The following CACNA1I variants were observed in gnomAD, a reference collection of about 807,000 sequenced individuals.
The protein encoded by CACNA1I is calcium voltage-gated channel subunit alpha1 I.
In CACNA1I, 74 loss-of-function variants were observed where a neutral mutation model predicts 201.6. The observed-to-expected ratio is 0.37, with a 90% CI of 0.30 to 0.45. CACNA1I has a LOEUF of 0.45. CACNA1I is among the 20% of genes least tolerant of loss of function. CACNA1I has a pLI of 1.00. For synonymous variants in CACNA1I, 1,431 were observed against 1,345.2 expected (o/e 1.06, Z -1.40); for missense variants, 2,346 against 3,138.1 (o/e 0.75, Z 6.03).
intron 25 of CACNA1I, 40 bp from the exon 26 acceptor site, chr22:39,670,763 C>A: frequency 6.2e-7 from 1 of 1,609,924 alleles, no homozygotes; most frequent in Admixed American, 1.7e-5. Flanking sequence ...TTGACCCCAA[C>A]CCTCTGTGGT....
chr22:39,616,495 T>G (rs1013494464), intron 3 of CACNA1I, among the ~76,000 whole-genome samples: 1 of 152,002 alleles, frequency 6.6e-6, no homozygotes, highest in Non-Finnish European at 1.5e-5. Flanking sequence ...CTGGGCACGG[T>G]GGCTCACGCC....
At chr22:39,669,917 CA>C in intron 24 of CACNA1I, 120 bp from the exon 25 acceptor site, 1 of 1,096,946 alleles carries the variant, frequency 9.1e-7, no homozygotes, top group Non-Finnish European at 1.4e-6. Context: ...ACCTCACAGC[CA>C]CCTTCCTGGA....
At chr22:39,608,334 T>C (rs915405892) in intron 3 of CACNA1I, among the ~76,000 whole-genome samples, 1 of 151,946 alleles carries the variant, frequency 6.6e-6, no homozygotes, top group Non-Finnish European at 1.5e-5. Flanking sequence ...AGTCCAGTGG[T>C]GTGTGTCAAT....
intron 15 of CACNA1I, 66 bp downstream of exon 15, chr22:39,660,503 G>T: frequency 1.7e-6 from 2 of 1,145,766 alleles, no homozygotes; most frequent in Non-Finnish European, 2.6e-6. Context: ...GGTGGGCAGA[G>T]GGTACAGCGT....
intron 10 of CACNA1I, among the ~76,000 whole-genome samples, chr22:39,655,633 C>T (rs1229302227): frequency 6.6e-6 from 1 of 152,138 alleles, no homozygotes; most frequent in African/African-American, 2.4e-5. Context: ...TCTCTCCATG[C>T]CCCACCTTTG....
Position 39,687,103 on chromosome 22 carries a change from C to T in CACNA1I, c.*698C>T, listed in dbSNP as rs1569105389. On this transcript the variant is annotated 3_prime_UTR_variant, in exon 37 of 37. Transcript: ENST00000402142. ...CTTAGTCCACCGGTTAGATGTCTCT[C>T]TTTAGAAAAATCAGGGGTGAGTAGC... 1 of 152,172 alleles carries T rather than the reference C, an allele frequency of 6.6e-6. No homozygotes were observed. Among genetic ancestry groups the T allele is most frequent in the Non-Finnish European group, 1.5e-5 (1 of 68,020 alleles). The allele number at this position is 152,172 out of a possible 1,614,324, so 9.4% of individuals were successfully genotyped here. A position where few individuals can be genotyped will look rare whatever the true frequency, so the allele number is the denominator to read the frequency against.
At chr22:39,601,912 T>TCCCA (rs1933057411) in intron 3 of CACNA1I, among the ~76,000 whole-genome samples, 1 of 29,494 alleles carries the variant, frequency 3.4e-5, no homozygotes, top group Non-Finnish European at 7.1e-5. Context: ...CCTCCCTCCC[T>TCCCA]CCCTCCTTCC....
chr22:39,659,093 C>G lies in CACNA1I; in HGVS notation c.2307C>G (p.Leu769=). The change falls in exon 12 of 37, where the codon CTC becomes CTG. Residue 769 remains leucine (L), a synonymous_variant. Coordinates refer to ENST00000402142, the MANE Select transcript of CACNA1I (RefSeq NM_021096.4). This position sits in a 1 kb window ranked among gnomAD's most constrained non-coding sequence, Gnocchi z 4.3. ...ACGTGGCCACCTTCTGCATGCTGCT[C>G]ATGCTCTTCATCTTCATCTTCAGGT... ...MDNVATFCML[L]MLFIFIFSIL... The G allele has an allele frequency of 6.2e-7, 1 of 1,613,228 alleles. No homozygotes were observed.
Position 39,629,255 on chromosome 22 carries a change from C to T in CACNA1I, c.581-5310C>T, listed in dbSNP as rs543972349. 6.6e-6 allele frequency among the ~76,000 whole-genome samples: 1 copy of T among 152,250 alleles called. No homozygotes were observed. Among genetic ancestry groups the T allele is most frequent in the Admixed American group, 6.5e-5 (1 of 15,300 alleles). On this transcript the variant is annotated intron_variant, in intron 4 of 36. Transcript: ENST00000402142. The surrounding 1 kb of genome is among the most constrained non-coding windows in gnomAD (Gnocchi z 4.8). Reference sequence around the variant, plus strand: ...CTGTTCTCCCCTGAACTCCAGACCCCAAGATCTGGCAAAGCGACTCCATGG... The same window carrying T: ...CTGTTCTCCCCTGAACTCCAGACCCTAAGATCTGGCAAAGCGACTCCATGG...
At chr22:39,679,983 C>T (rs1389949074) in intron 33 of CACNA1I, 115 bp downstream of exon 33, 17 of 1,012,584 alleles carry the variant, frequency 1.7e-5, no homozygotes, top group Middle Eastern at 3.0e-4. Context: ...GCTGGGTCAA[C>T]GTGGGCACAC....
At chr22:39,678,240 G>C (rs917715118) in intron 31 of CACNA1I, 132 bp downstream of exon 31, 5 of 1,086,326 alleles carry the variant, frequency 4.6e-6, no homozygotes, top group Non-Finnish European at 6.5e-6. Flanking sequence ...GCACGGAGGA[G>C]TGGAGGGGCC....
At position 39,649,627 on chromosome 22, in the gene CACNA1I, C is replaced by T. The variant is rs113940283; in HGVS notation, c.1694C>T (p.Ser565Leu). Residue 565 changes from serine to leucine, a missense_variant, in exon 10 of 37, where the codon TCG (serine) becomes TTG (leucine). Ser to Leu is a moderately radical substitution (Grantham distance 145). Transcript: ENST00000402142. This position sits in a 1 kb window ranked among gnomAD's most constrained non-coding sequence, Gnocchi z 7.3. ...CCQHEDGRRP[S>L]GLGSTDSGQE... ...CAGCATGAGGACGGCCGGCGGCCCTCGGGCCTGGGCAGCACCGACTCGGGC... is the reference window on the plus strand; with the variant it reads ...CAGCATGAGGACGGCCGGCGGCCCTTGGGCCTGGGCAGCACCGACTCGGGC... The T allele has an allele frequency of 1.7e-5, 26 of 1,529,214 alleles. No individual in the cohort carries two copies. Among genetic ancestry groups the T allele is most frequent in the Admixed American group, 1.0e-4 (5 of 49,166 alleles). The allele number at this position is 1,529,214 out of a possible 1,614,324, so 94.7% of individuals were successfully genotyped here. A position where few individuals can be genotyped will look rare whatever the true frequency, so the allele number is the denominator to read the frequency against.
chr22:39,573,019 G>A (rs1346668497), intron 1 of CACNA1I, among the ~76,000 whole-genome samples: 1 of 152,156 alleles, frequency 6.6e-6, no homozygotes, highest in South Asian at 2.1e-4. Flanking sequence ...CTCCCAAAGT[G>A]CTGGGATTAC....
At position 39,677,931 on chromosome 22, in the gene CACNA1I, G is replaced by A. The variant is rs1935565638; in HGVS notation, c.4934-56G>A. 1 of 1,524,278 alleles carries A rather than the reference G, an allele frequency of 6.6e-7. No individual in the cohort carries two copies. Among genetic ancestry groups the A allele is most frequent in the Non-Finnish European group, 8.8e-7 (1 of 1,134,396 alleles). 94.4% of individuals were successfully genotyped at this position (1,524,278 alleles called of 1,614,324 possible). ...GCGAGGCGGGAGGCACCAGGTCAGGGTGAGCCCCGCAGGCACTCCGCCATC... is the reference window on the plus strand; with the variant it reads ...GCGAGGCGGGAGGCACCAGGTCAGGATGAGCCCCGCAGGCACTCCGCCATC... On this transcript the variant is annotated intron_variant, in intron 30 of 36. Transcript: ENST00000402142. This position sits in a 1 kb window ranked among gnomAD's most constrained non-coding sequence, Gnocchi z 4.8.
Position 39,677,837 on chromosome 22 carries a change from G to T in CACNA1I, c.4934-150G>T. ...GCCCCAGCTCATGTGCCATCTCCCC[G>T]AGCCTCAGTTTATCTGTGGGCTGGG... On this transcript the variant is annotated intron_variant, in intron 30 of 36. Coordinates refer to ENST00000402142, the MANE Select transcript of CACNA1I (RefSeq NM_021096.4). This position sits in a 1 kb window ranked among gnomAD's most constrained non-coding sequence, Gnocchi z 4.8. The T allele has an allele frequency of 1.2e-6, 1 of 843,630 alleles. No individual in the cohort carries two copies. Among genetic ancestry groups the T allele is most frequent in the Non-Finnish European group, 1.8e-6 (1 of 564,170 alleles). 52.3% of individuals were successfully genotyped at this position (843,630 alleles called of 1,614,324 possible).
In CACNA1I at chr22:39,646,733, C is replaced by A. The variant is rs776041387; in HGVS notation, c.1314C>A (p.Ile438=). ...YAEPGDCYEE[I]FQYVCHILRK... The stretch of plus-strand genomic sequence containing the variant: ...AGCCTGGCGACTGCTACGAGGAGAT[C>A]TTCCAGTATGTCTGCCACATCCTGC... The change falls in exon 8 of 37, where the codon ATC becomes ATA. Residue 438 remains isoleucine, a synonymous_variant. Coordinates refer to ENST00000402142, the MANE Select transcript of CACNA1I (RefSeq NM_021096.4). 6.3e-7 allele frequency: 1 copy of A among 1,598,446 alleles called. No homozygotes were observed. The highest frequency in any genetic ancestry group is 8.5e-7 in the Non-Finnish European group (1 of 1,172,810).
At chr22:39,631,448 A>T (rs1934059688) in intron 4 of CACNA1I, among the ~76,000 whole-genome samples, 2 of 152,214 alleles carry the variant, frequency 1.3e-5, no homozygotes, top group African/African-American at 4.8e-5. Flanking sequence ...CACTAAGAAC[A>T]CAGAACCAGG....
chr22:39,619,486 GC>G, intron 4 of CACNA1I, 79 bp downstream of exon 4: 1 of 1,037,948 alleles, frequency 9.6e-7, no homozygotes, highest in Non-Finnish European at 1.5e-6. Flanking sequence ...CCTAGCCAAT[GC>G]CCACCCCCCC....
In CACNA1I at chr22:39,672,576, C is replaced by T. The variant is rs556037868; in HGVS notation, c.4649+268C>T. On this transcript the variant is annotated intron_variant, in intron 27 of 36. Coordinates refer to ENST00000402142, the MANE Select transcript of CACNA1I (RefSeq NM_021096.4). ...CCTATGGGCAGAGCAGGGTCTGCCT[C>T]ATGCTAATACTCCTTTTTGAAGGGA... Among the ~76,000 whole-genome samples, 17 of 152,314 alleles carry T rather than the reference C, an allele frequency of 1.1e-4. No homozygotes were observed. The South Asian group carries it at 3.1e-3, about 28-fold the overall frequency.
Sources: gnomAD v4.1 joint callset for allele counts (sites outside exome capture counted in the v4.1 genomes callset) on GRCh38, gnomAD v4.1.1 for gene constraint, Gnocchi (gnomAD v3.1) non-coding constraint, MANE v1.5 for transcripts, NCBI Gene and HGNC (gene_info 2026-07-23, HGNC 2026-07-21) for gene names.